PPFIA2: variants seen among roughly 807,000 people sequenced by gnomAD.
PPFIA2 encodes the protein PPFI scaffold protein A2, also known as liprin-alpha-2.
PPFIA2 carries 46 observed loss-of-function variants against 175.5 expected under a neutral mutation model. That is an observed-to-expected ratio of 0.26 (90% CI 0.21 to 0.34). The LOEUF (loss-of-function observed/expected upper bound fraction) is 0.34. Ranked by LOEUF, PPFIA2 falls within the 10% of genes least tolerant of loss-of-function variation. PPFIA2 has a pLI of 1.00. For synonymous variants in PPFIA2, 568 were observed against 511.4 expected (o/e 1.11, Z -1.49); for missense variants, 1,179 against 1,506.1 (o/e 0.78, Z 3.60).
intron 3 of PPFIA2, among the ~76,000 whole-genome samples, chr12:81,741,570 G>A (rs2082328142): frequency 6.6e-6 from 1 of 151,916 alleles, no homozygotes; most frequent in Non-Finnish European, 1.5e-5. Context: ...GGCTCAGGAT[G>A]GCTTTGAAGG....
At chr12:81,394,116 T>C (rs2040643225) in intron 8 of PPFIA2, among the ~76,000 whole-genome samples, 1 of 152,024 alleles carries the variant, frequency 6.6e-6, no homozygotes, top group Admixed American at 6.6e-5. Context: ...TATCACATTT[T>C]CCAGTTATCT....
At chr12:81,753,695 G>A (rs1341680180) in intron 3 of PPFIA2, among the ~76,000 whole-genome samples, 2 of 152,138 alleles carry the variant, frequency 1.3e-5, no homozygotes, top group African/African-American at 4.8e-5. Flanking sequence ...TGATCCACAA[G>A]TGGTTTTCTA....
intron 4 of PPFIA2, among the ~76,000 whole-genome samples, chr12:81,560,898 T>C (rs898746747): frequency 1.3e-5 from 2 of 152,186 alleles, no homozygotes; most frequent in African/African-American, 4.8e-5. Context: ...TTTTAATCTA[T>C]TGAAACTTCT....
chr12:81,263,297 C>T lies in PPFIA2; in HGVS notation c.3649G>A (p.Glu1217Lys). 6.2e-7 allele frequency: 1 copy of T among 1,612,646 alleles called. No homozygotes were observed. Among genetic ancestry groups the T allele is most frequent in the Non-Finnish European group, 8.5e-7 (1 of 1,178,932 alleles). Residue 1217 changes from glutamate to lysine, a missense_variant, in exon 31 of 33, where the codon GAA becomes AAA. Physicochemically the swap from Glu to Lys is moderately conservative, Grantham distance 56. This residue lies in a region of PPFIA2 where 245 missense variants were observed against 375.1 expected (regional missense o/e 0.65). Coordinates refer to ENST00000549396, the MANE Select transcript of PPFIA2 (RefSeq NM_003625.5). ...HGISMMPGSS[E>K]TLPAGFRLTT... ...AACCTAAATCCAGCTGGTAATGTTT[C>T]TGAGGACCCAGGCATCATGCTGATT...
At chr12:81,708,664 C>T (rs2077513505) in intron 3 of PPFIA2, among the ~76,000 whole-genome samples, 5 of 152,108 alleles carry the variant, frequency 3.3e-5, no homozygotes, top group Admixed American at 2.6e-4. Flanking sequence ...AGTTTACAAC[C>T]TTCTTCAAAT....
intron 23 of PPFIA2, chr12:81,298,243 T>A (rs1183756231): frequency 2.6e-5 from 4 of 152,194 alleles, no homozygotes; most frequent in African/African-American, 9.6e-5. Flanking sequence ...AAGAAGCAGC[T>A]GATCGCTAAT....
intron 4 of PPFIA2, among the ~76,000 whole-genome samples, chr12:81,607,237 G>A (rs1306404897): frequency 1.3e-5 from 2 of 152,100 alleles, no homozygotes; most frequent in African/African-American, 2.4e-5. Context: ...AGAGCAGTGT[G>A]ATGCCTCCAA....
intron 4 of PPFIA2, among the ~76,000 whole-genome samples, chr12:81,639,566 T>G (rs2064661047): frequency 6.6e-6 from 1 of 151,956 alleles, no homozygotes; most frequent in Non-Finnish European, 1.5e-5. Flanking sequence ...ATATATAGTA[T>G]TCCTAAAGTC....
intron 8 of PPFIA2, among the ~76,000 whole-genome samples, chr12:81,388,031 C>T (rs1233839105): frequency 6.6e-6 from 1 of 152,108 alleles, no homozygotes; most frequent in Admixed American, 6.6e-5. Flanking sequence ...CGTAGCAGCA[C>T]TTACCCCTTT....
At chr12:81,405,127 G>A (rs1317519987) in intron 8 of PPFIA2, among the ~76,000 whole-genome samples, 1 of 152,082 alleles carries the variant, frequency 6.6e-6, no homozygotes, top group Non-Finnish European at 1.5e-5. Flanking sequence ...TTTGTCTTTT[G>A]CTAGTGGAGC....
intron 4 of PPFIA2, among the ~76,000 whole-genome samples, chr12:81,671,717 G>A (rs1258795276): frequency 2.0e-5 from 3 of 151,714 alleles, no homozygotes; most frequent in Non-Finnish European, 4.4e-5. Flanking sequence ...ACCTTTATCT[G>A]CCATGCCCAG....
chr12:81,467,724 G>A (rs913621034), intron 4 of PPFIA2, among the ~76,000 whole-genome samples: 2 of 152,142 alleles, frequency 1.3e-5, no homozygotes, highest in African/African-American at 4.8e-5. Flanking sequence ...TGTCTGAAAT[G>A]CAATGATAGT....
intron 22 of PPFIA2, among the ~76,000 whole-genome samples, chr12:81,313,722 C>A (rs2051562013): frequency 1.3e-5 from 2 of 152,016 alleles, no homozygotes; most frequent in Admixed American, 1.3e-4. Flanking sequence ...TCTGAGCTTT[C>A]CAGGAAAATT....
chr12:81,405,973 C>A, intron 7 of PPFIA2, 70 bp from the exon 8 acceptor site: 1 of 848,260 alleles, frequency 1.2e-6, no homozygotes, highest in Non-Finnish European at 1.8e-6. Context: ...AATGAATTTA[C>A]TTCAATGTGG....
rs1037619315 is a variant in PPFIA2, at chr12:81,526,786, C to T, written c.304-68920G>A. Among the ~76,000 whole-genome samples the T allele has an allele frequency of 2.0e-5, 3 of 152,064 alleles. No homozygotes were observed. In the East Asian group the frequency reaches 5.8e-4, roughly 29 times the overall value. ...TTTTGCTTAGTATTTATCTCTAGCT[C>T]CTCAATACCCAGTGGTTCTGAGTAG... On this transcript the variant is annotated intron_variant, in intron 4 of 32. Transcript: ENST00000549396.
intron 4 of PPFIA2, among the ~76,000 whole-genome samples, chr12:81,483,456 A>G (rs978824449): frequency 6.6e-6 from 1 of 152,152 alleles, no homozygotes; most frequent in African/African-American, 2.4e-5. Context: ...TTTCAGTTAC[A>G]GTATATGAAA....
chr12:81,678,092 C>G (rs2153571897), intron 3 of PPFIA2, among the ~76,000 whole-genome samples: 1 of 151,988 alleles, frequency 6.6e-6, no homozygotes, highest in South Asian at 2.1e-4. Context: ...AATGGTTACA[C>G]TTCTTGGCTA....
At chr12:81,298,666 C>T (rs1882185) in intron 23 of PPFIA2, among the ~76,000 whole-genome samples, 55,752 of 152,142 alleles carry the variant, frequency 0.37, 11,798 homozygotes, top group Non-Finnish European at 0.49. Flanking sequence ...CCGTCAATGT[C>T]AAGGTCAGTT....
intron 5 of PPFIA2, among the ~76,000 whole-genome samples, chr12:81,457,082 T>G (rs1202922554): frequency 1.3e-5 from 2 of 151,950 alleles, no homozygotes; most frequent in East Asian, 1.9e-4. Flanking sequence ...CTCGGTTCAC[T>G]GCAGCCTCTG....
Sources: gnomAD v4.1 joint callset for allele counts (sites outside exome capture counted in the v4.1 genomes callset) on GRCh38, gnomAD v4.1.1 for gene constraint, gnomAD v4.1.1 regional missense constraint, MANE v1.5 for transcripts, NCBI Gene and HGNC (gene_info 2026-07-23, HGNC 2026-07-21) for gene names.